The following ASAH2 variants were observed in gnomAD, a reference collection of about 807,000 sequenced individuals.
ASAH2 encodes the protein neutral ceramidase.
A neutral mutation model predicts 82.9 loss-of-function variants in ASAH2; 58 were observed. That is an observed-to-expected ratio of 0.70 (90% CI 0.57 to 0.87). The LOEUF (loss-of-function observed/expected upper bound fraction) is 0.87, where lower values mean the gene tolerates loss of function less well. ASAH2 is among the 40% of genes least tolerant of loss of function. The probability of loss-of-function intolerance (pLI) is 0.00; values close to 1 mark genes in which losing one functional copy is unlikely to be tolerated. For synonymous variants in ASAH2, 276 were observed against 289.7 expected, an observed-to-expected ratio of 0.95 and a Z score of 0.48; for missense variants, 779 against 834.0, an observed-to-expected ratio of 0.93 and a Z score of 0.81.
rs200406997 is a variant in ASAH2 at position 50,243,219 on chromosome 10, G to C, written c.493C>G (p.Gln165Glu). Reference protein sequence around the residue: ...FVSIDIGMVSQRLRLEVLNRL... With the variant: ...FVSIDIGMVSERLRLEVLNRL... ...TCACTTACCTCCAGCCTGAGCCTTT[G>C]TGATACCATGCCTATGTCGATGCTG... Residue 165 changes from glutamine (Q) to glutamate (E), a missense_variant, in exon 4 of 21, where the codon CAA becomes GAA. Gln to Glu is a conservative substitution (Grantham distance 29). This residue lies in a region of ASAH2 where 759 missense variants were observed against 755.2 expected (regional missense o/e 1.00). Coordinates refer to ENST00000682911, the MANE Select transcript of ASAH2 (RefSeq NM_019893.4). 2.6e-5 allele frequency: 42 copies of C among 1,613,874 alleles called. No homozygotes were observed. Among genetic ancestry groups the C allele is most frequent in the Non-Finnish European group, 9.3e-6 (11 of 1,179,956 alleles).
chr10:50,234,922 C>A (rs1236985556), intron 5 of ASAH2, among the ~76,000 whole-genome samples: 2 of 152,128 alleles, frequency 1.3e-5, no homozygotes, highest in Non-Finnish European at 2.9e-5. Context: ...TAACATGCAA[C>A]TGTTTCCACC....
intron 13 of ASAH2, 34 bp downstream of exon 13, chr10:50,205,948 T>A (rs1845282140): frequency 2.7e-6 from 4 of 1,471,200 alleles, no homozygotes; most frequent in Admixed American, 3.4e-5. Context: ...AATAACAATA[T>A]GCTAATTTCA....
At chr10:50,247,783 C>T (rs908595387) in intron 2 of ASAH2, among the ~76,000 whole-genome samples, 2 of 152,078 alleles carry the variant, frequency 1.3e-5, no homozygotes, top group Admixed American at 6.5e-5. Flanking sequence ...AGACCCACTG[C>T]CAATCTTTGT....
At chr10:50,241,736 G>A (rs572236800) in intron 4 of ASAH2, among the ~76,000 whole-genome samples, 3 of 152,252 alleles carry the variant, frequency 2.0e-5, no homozygotes, top group Admixed American at 1.3e-4. Context: ...CATGTCCTTC[G>A]CAGGGACATG....
At chr10:50,204,118 T>C (rs1309661402) in intron 14 of ASAH2, among the ~76,000 whole-genome samples, 1 of 151,944 alleles carries the variant, frequency 6.6e-6, no homozygotes, top group African/African-American at 2.4e-5. Flanking sequence ...GAACAGATCA[T>C]GTAGGAGCTT....
intron 17 of ASAH2, among the ~76,000 whole-genome samples, chr10:50,197,813 T>G (rs1589320953): frequency 6.6e-6 from 1 of 151,890 alleles, no homozygotes; most frequent in Non-Finnish European, 1.5e-5. Flanking sequence ...TGGGAAGAAC[T>G]ATAGACCTAT....
intron 9 of ASAH2, 143 bp downstream of exon 9, chr10:50,214,600 T>C: frequency 1.0e-6 from 1 of 998,888 alleles, no homozygotes; most frequent in Non-Finnish European, 1.5e-6. Context: ...TTTGGACAGG[T>C]GCTTTTGAGA....
chr10:50,202,843 A>G lies in ASAH2; in HGVS notation c.1747T>C (p.Tyr583His). The change falls in exon 16 of 21, where the codon TAT (tyrosine) becomes CAT (histidine). Residue 583 changes from tyrosine (Y) to histidine (H), a missense_variant. Transcript: ENST00000682911. ...CNVYTHYITTYEEYQAQRYEA... is the reference protein window; with the variant it reads ...CNVYTHYITTHEEYQAQRYEA... ...TTTTGCTTTACCTGGTATTCTTCAT[A>G]AGTGGTAATGTAATGTGTATAGACG... is the stretch of plus-strand genomic sequence containing the variant. The G allele has an allele frequency of 6.2e-7, 1 of 1,608,040 alleles. No homozygotes were observed. Among genetic ancestry groups the G allele is most frequent in the Non-Finnish European group, 8.5e-7 (1 of 1,174,896 alleles).
At chr10:50,244,952 G>T (rs1430529227) in intron 3 of ASAH2, among the ~76,000 whole-genome samples, 1 of 151,186 alleles carries the variant, frequency 6.6e-6, no homozygotes, top group African/African-American at 2.4e-5. Context: ...TAAGGTGCCT[G>T]CTCACCCCCT....
At position 50,226,496 on chromosome 10, in the gene ASAH2, A is replaced by G. The variant is rs891468929; in HGVS notation, c.893+6688T>C. Among the ~76,000 whole-genome samples, 650 of 152,248 alleles carry G rather than the reference A, an allele frequency of 4.3e-3. 1 individual carries two copies. The highest frequency in any genetic ancestry group is 6.8e-3 in the Middle Eastern group (2 of 294). ...TATATAAAAGAAAAGAAGATTTTAA[A>G]AATTACTTGATACAACACCAAGAAT... On this transcript the variant is annotated intron_variant, in intron 7 of 20. Coordinates refer to ENST00000682911, the MANE Select transcript of ASAH2 (RefSeq NM_019893.4).
intron 18 of ASAH2, among the ~76,000 whole-genome samples, chr10:50,193,495 G>A (rs1480161285): frequency 1.3e-5 from 2 of 149,744 alleles, no homozygotes; most frequent in Non-Finnish European, 3.0e-5. Context: ...ACTACTGGAA[G>A]CCAAGAAAAG....
chr10:50,196,084 T>C (rs1400962313), intron 18 of ASAH2, among the ~76,000 whole-genome samples: 2 of 151,860 alleles, frequency 1.3e-5, no homozygotes, highest in Non-Finnish European at 2.9e-5. Context: ...TGACATAATG[T>C]ATATGTTAAT....
rs1005030312 is a variant in ASAH2 at position 50,236,546 on chromosome 10, C to A, written c.511-482G>T. Among the ~76,000 whole-genome samples the A allele has an allele frequency of 2.4e-3, 370 of 152,154 alleles. 2 individuals are homozygous for A. The highest frequency in any genetic ancestry group is 8.5e-3 in the African/African-American group (354 of 41,526). ...GAGACACAGACAAACTATATTAACA[C>A]CTCTTTCAAATGGCCCCTCACTGTA... On this transcript the variant is annotated intron_variant, in intron 4 of 20. Transcript: ENST00000682911.
intron 2 of ASAH2, among the ~76,000 whole-genome samples, chr10:50,246,836 A>G (rs1397816959): frequency 2.0e-5 from 3 of 152,218 alleles, no homozygotes; most frequent in African/African-American, 7.2e-5. Flanking sequence ...CTTCACTGCT[A>G]CCAGCATAGG....
At chr10:50,221,002 T>C (rs1845730186) in intron 7 of ASAH2, among the ~76,000 whole-genome samples, 1 of 152,154 alleles carries the variant, frequency 6.6e-6, no homozygotes. Context: ...TTGGCATCCA[T>C]TTTGAATTTT....
chr10:50,237,884 C>T (rs964259639), intron 4 of ASAH2, among the ~76,000 whole-genome samples: 1 of 152,086 alleles, frequency 6.6e-6, no homozygotes, highest in African/African-American at 2.4e-5. Context: ...TTAGGCATTG[C>T]ATGCCTGTAT....
At chr10:50,197,359 A>G (rs1231549618) in intron 17 of ASAH2, among the ~76,000 whole-genome samples, 1 of 151,172 alleles carries the variant, frequency 6.6e-6, no homozygotes, top group Non-Finnish European at 1.5e-5. Context: ...GTCTGTGCTA[A>G]TAAAAGAATA....
At chr10:50,205,190 A>C (rs1479805236) in intron 13 of ASAH2, among the ~76,000 whole-genome samples, 1 of 152,076 alleles carries the variant, frequency 6.6e-6, no homozygotes, top group African/African-American at 2.4e-5. Context: ...CACAATGTGT[A>C]ACAGATAACC....
At chr10:50,238,828 C>T (rs1846222544) in intron 4 of ASAH2, among the ~76,000 whole-genome samples, 2 of 152,086 alleles carry the variant, frequency 1.3e-5, no homozygotes, top group Non-Finnish European at 2.9e-5. Context: ...AATTTTAAAA[C>T]AAGAAAGACT....
Sources: allele counts gnomAD v4.1 joint callset (sites outside exome capture counted in the v4.1 genomes callset), GRCh38; gene constraint gnomAD v4.1.1; regional missense constraint gnomAD v4.1.1; transcripts MANE v1.5; gene names NCBI Gene and HGNC (gene_info 2026-07-23, HGNC 2026-07-21).